PRKACA: variants seen among roughly 807,000 people sequenced by gnomAD.
PRKACA encodes protein kinase cAMP-activated catalytic subunit alpha, also known as cAMP-dependent protein kinase catalytic subunit alpha.
In PRKACA, 9 loss-of-function variants were observed where a neutral mutation model predicts 45.8. The observed-to-expected ratio is 0.20, with a 90% confidence interval of 0.12 to 0.34. The LOEUF is 0.34. PRKACA is among the 10% of genes least tolerant of loss of function. PRKACA has a pLI of 1.00. For synonymous variants in PRKACA, 160 were observed against 178.6 expected, an observed-to-expected ratio of 0.90 and a Z score of 0.83; for missense variants, 238 against 458.6, an observed-to-expected ratio of 0.52 and a Z score of 4.39.
chr19:14,099,013 G>A (rs79881338), intron 5 of PRKACA, among the ~76,000 whole-genome samples: 1,650 of 152,174 alleles, frequency 0.011, 25 homozygotes, highest in African/African-American at 0.031. Flanking sequence ...CAAGGCCAGC[G>A]CGGTGGCCCA....
intron 2 of PRKACA, 66 bp downstream of exon 2, chr19:14,107,282 G>T: frequency 6.7e-7 from 1 of 1,482,526 alleles, no homozygotes; most frequent in Non-Finnish European, 9.4e-7. Context: ...TGTGTTGCTG[G>T]GACACAGCCA....
intron 8 of PRKACA, among the ~76,000 whole-genome samples, chr19:14,096,031 A>AGTTTTTTT (rs1977241102): frequency 9.2e-6 from 1 of 108,922 alleles, no homozygotes. Flanking sequence ...GCTAATTTTT[A>AGTTTTTTT]GTTTTTTTTT....
At chr19:14,093,258 A>C in intron 9 of PRKACA, 21 bp from the exon 10 acceptor site, 1 of 1,604,888 alleles carries the variant, frequency 6.2e-7, no homozygotes, top group Non-Finnish European at 8.5e-7. Context: ...ATCAAGAATC[A>C]CCCAGACCTC....
chr19:14,106,952 TG>T, intron 2 of PRKACA, 64 bp from the exon 3 acceptor site: 1 of 1,587,664 alleles, frequency 6.3e-7, no homozygotes, highest in South Asian at 1.1e-5. Flanking sequence ...GGCTAAGGTC[TG>T]GGGCATCCCC....
rs149168461 is a variant in PRKACA at position 14,116,163 on chromosome 19, C to T, written c.46+1339G>A. Among the ~76,000 whole-genome samples the T allele has an allele frequency of 5.2e-3, 786 of 152,292 alleles. 2 individuals carry two copies. Among genetic ancestry groups the T allele is most frequent in the Middle Eastern group, 0.027 (8 of 294 alleles). On this transcript the variant is annotated intron_variant, in intron 1 of 9. Transcript: ENST00000308677. ...TGGCCTTCCTTTTCGACCAATAGTT[C>T]CGACTATTTCTGGGTAAGTGGACAG... is the stretch of plus-strand genomic sequence containing the variant.
Position 14,109,047 on chromosome 19 carries a change from G to C in PRKACA, c.47-1638C>G, listed in dbSNP as rs542624326. ...CCAGCCTATTATTTTCTAAATTGAG[G>C]TATAAAATATGGGGAGAGAGGCTGG... On this transcript the variant is annotated intron_variant, in intron 1 of 9. Coordinates refer to ENST00000308677, the MANE Select transcript of PRKACA (RefSeq NM_002730.4). 9.3e-5 allele frequency among the ~76,000 whole-genome samples: 14 copies of C among 150,054 alleles called. No homozygotes were observed. In the South Asian group the frequency reaches 3.0e-3, roughly 33 times the overall value.
At position 14,102,802 on chromosome 19, in the gene PRKACA, C is replaced by A. The variant is rs1261117912; in HGVS notation, c.336+14G>T. 6.2e-7 allele frequency: 1 copy of A among 1,610,660 alleles called. No homozygotes were observed. ...AATGCAGTGACCCCCCGCCCTTGGC[C>A]ACTGGGACCCCACCTTGAAGGAGAA... On this transcript the variant is annotated intron_variant, in intron 4 of 9. Coordinates refer to ENST00000308677, the MANE Select transcript of PRKACA (RefSeq NM_002730.4).
In PRKACA at chr19:14,114,188, C is replaced by T. The variant is rs775988368; in HGVS notation, c.46+3314G>A. The T allele has an allele frequency of 3.9e-5, 63 of 1,606,744 alleles. 1 individual carries two copies. In the Admixed American group the frequency reaches 1.1e-3, roughly 27 times the overall value. On this transcript the variant is annotated intron_variant, in intron 1 of 9. Coordinates refer to ENST00000308677, the MANE Select transcript of PRKACA (RefSeq NM_002730.4). ...TCCTGTTCTCAGGGCACCGGCACTACGGTGGCTGGGAAGGCTCATGAGACC... is the reference window on the plus strand; with the variant it reads ...TCCTGTTCTCAGGGCACCGGCACTATGGTGGCTGGGAAGGCTCATGAGACC...
Position 14,117,608 on chromosome 19 carries a change from C to A in PRKACA, c.-61G>T, listed in dbSNP as rs1054659490. ...CGGCGCGGCGGGTGCTGGCTGCGGC[C>A]GGCGGCCCCGGAGCGCGCTGGGCGG... is the stretch of plus-strand genomic sequence containing the variant. On this transcript the variant is annotated 5_prime_UTR_variant, in exon 1 of 10. Transcript: ENST00000308677. 3 of 948,796 alleles carry A rather than the reference C, an allele frequency of 3.2e-6. No homozygotes were observed. Among genetic ancestry groups the A allele is most frequent in the Non-Finnish European group, 3.8e-6 (3 of 798,724 alleles). 58.8% of individuals were successfully genotyped at this position (948,796 alleles called of 1,614,324 possible). A position where few individuals can be genotyped will look rare whatever the true frequency, so the allele number is the denominator to read the frequency against.
At chr19:14,107,692 C>G (rs1362602607) in intron 1 of PRKACA, 1 of 1,259,002 alleles carries the variant, frequency 7.9e-7, no homozygotes, top group African/African-American at 1.5e-5. Context: ...AGCCCACCCC[C>G]ACTCGCCCCA....
At chr19:14,098,976 T>G (rs1977356202) in intron 5 of PRKACA, among the ~76,000 whole-genome samples, 1 of 152,136 alleles carries the variant, frequency 6.6e-6, no homozygotes, top group Middle Eastern at 3.2e-3. Flanking sequence ...AAAGTGAATC[T>G]ATAGTTATCT....
chr19:14,102,677 G>A (rs1977478704), intron 4 of PRKACA, 139 bp downstream of exon 4: 1 of 738,732 alleles, frequency 1.4e-6, no homozygotes, highest in Non-Finnish European at 2.3e-6. Context: ...CCTGTCCCCT[G>A]ATCTCCCTCC....
chr19:14,110,360 T>C (rs1451777724), intron 1 of PRKACA, among the ~76,000 whole-genome samples: 1 of 151,842 alleles, frequency 6.6e-6, no homozygotes, highest in African/African-American at 2.4e-5. Flanking sequence ...GGGGGATTGC[T>C]TGAATACAGG....
chr19:14,100,702 G>T, intron 5 of PRKACA, 124 bp downstream of exon 5: 1 of 897,594 alleles, frequency 1.1e-6, no homozygotes, highest in Non-Finnish European at 1.8e-6. Context: ...AAACCCACAG[G>T]GTCTGGGAGA....
intron 1 of PRKACA, among the ~76,000 whole-genome samples, chr19:14,116,776 C>T (rs1967115112): frequency 6.6e-6 from 1 of 152,046 alleles, no homozygotes; most frequent in Non-Finnish European, 1.5e-5. Context: ...CAGTCTGCTA[C>T]CCCAGCCAGG....
intron 1 of PRKACA, among the ~76,000 whole-genome samples, chr19:14,111,084 A>T (rs1381346800): frequency 2.0e-5 from 3 of 152,218 alleles, no homozygotes; most frequent in Admixed American, 6.5e-5. Flanking sequence ...CAGAGAGAAG[A>T]GCCCTCATGG....
At chr19:14,107,696 C>T (rs999773321) in intron 1 of PRKACA, 4 of 1,211,748 alleles carry the variant, frequency 3.3e-6, no homozygotes, top group South Asian at 4.7e-5. Flanking sequence ...CACCCCCACT[C>T]GCCCCAGTTC....
rs1408300461 is a variant in PRKACA, at chr19:14,092,558, A to AT, written c.*553dup. ...GAGGCACTGGTGGAACTTAAATAAG[A>AT]TTTTAAATTGTTGTTTTTTTAAAAA... On this transcript the variant is annotated 3_prime_UTR_variant, in exon 10 of 10. Transcript: ENST00000308677. The AT allele has an allele frequency of 1.5e-5, 6 of 398,684 alleles. No individual in the cohort carries two copies. Among genetic ancestry groups the AT allele is most frequent in the Admixed American group, 8.8e-5 (2 of 22,708 alleles). 24.7% of individuals were successfully genotyped at this position (398,684 alleles called of 1,614,324 possible).
chr19:14,103,653 A>G (rs1408044326), intron 3 of PRKACA, among the ~76,000 whole-genome samples: 2 of 152,240 alleles, frequency 1.3e-5, no homozygotes, highest in African/African-American at 2.4e-5. Flanking sequence ...CTCAGAGTCT[A>G]TACCTGCCCT....
Sources: allele counts gnomAD v4.1 joint callset (sites outside exome capture counted in the v4.1 genomes callset), GRCh38; gene constraint gnomAD v4.1.1; transcripts MANE v1.5; gene names NCBI Gene and HGNC (gene_info 2026-07-23, HGNC 2026-07-21).